TBC1D28: variants seen among roughly 807,000 people sequenced by gnomAD.
The protein encoded by TBC1D28 is TBC1 domain family member 28, also known as TBC1 domain family, member 28.
In TBC1D28, 20 loss-of-function variants were observed where a neutral mutation model predicts 29.2. The observed-to-expected ratio is 0.68, with a 90% confidence interval of 0.48 to 0.99. The LOEUF is 0.99. Ranked by LOEUF, TBC1D28 falls within the 50% of genes least tolerant of loss-of-function variation. The probability of loss-of-function intolerance (pLI) is 0.00; values close to 1 mark genes in which losing one functional copy is unlikely to be tolerated. For synonymous variants in TBC1D28, 65 were observed against 90.9 expected, an observed-to-expected ratio of 0.71 and a Z score of 1.62; for missense variants, 205 against 243.7, an observed-to-expected ratio of 0.84 and a Z score of 1.06.
At chr17:18,638,360 A>G (rs770830682) in exon 7 of TBC1D28, 1 of 1,614,218 alleles carries the variant, frequency 6.2e-7, no homozygotes, top group East Asian at 2.2e-5. Context: ...ATATCTAGCA[A>G]AAGTGACAAC....
intron 7 of TBC1D28, 83 bp downstream of exon 8, chr17:18,638,230 A>G: frequency 6.6e-7 from 1 of 1,518,582 alleles, no homozygotes; most frequent in Non-Finnish European, 9.0e-7. Flanking sequence ...CCCAGGCTCA[A>G]CGTTCCCTCC....
rs542781361 is a variant in TBC1D28, at chr17:18,638,375, G to A, written c.325C>T (p.Arg109Trp). ...ATATCTAGCAAAAGTGACAACGCCCGGCCCCGCACCGCCAGGGGAATGACT... is the reference window on the plus strand; with the variant it reads ...ATATCTAGCAAAAGTGACAACGCCCAGCCCCGCACCGCCAGGGGAATGACT... The change falls in exon 7 of 9, where the codon CGG (arginine) becomes TGG (tryptophan). Residue 109 changes from arginine to tryptophan, a missense_variant. Transcript: ENST00000345096. 25 of 1,614,218 alleles carry A rather than the reference G, an allele frequency of 1.5e-5. 1 individual carries two copies. Among genetic ancestry groups the A allele is most frequent in the South Asian group, 8.8e-5 (8 of 91,086 alleles).
chr17:18,636,300 G>T, exon 9 of TBC1D28: 1 of 1,429,494 alleles, frequency 7.0e-7, no homozygotes, highest in Non-Finnish European at 9.1e-7. Flanking sequence ...ACCCTGCCAA[G>T]CTCCTAGGCT....
chr17:18,642,033 G>A lies in TBC1D28; in HGVS notation c.-309C>T, dbSNP rs554986202. On this transcript the variant is annotated 5_prime_UTR_variant, in exon 1 of 9. Coordinates refer to ENST00000345096, the Ensembl canonical transcript of TBC1D28. ...CAAGAAAGAACAAGAGAACGCTGGG[G>A]CCTTAGTCCTAGAGAACACCTGGGG... 9 of 165,884 alleles carry A rather than the reference G, an allele frequency of 5.4e-5. No individual in the cohort carries two copies. In the East Asian group the frequency reaches 1.7e-3, roughly 31 times the overall value. 10.3% of individuals were successfully genotyped at this position (165,884 alleles called of 1,614,324 possible).
downstream of TBC1D28, among the ~76,000 whole-genome samples, chr17:18,634,816 G>GCCGCCTCAGCCT (rs2031404076): frequency 1.1e-5 from 1 of 94,724 alleles, no homozygotes; most frequent in African/African-American, 3.9e-5. Flanking sequence ...CCCCTCAGCC[G>GCCGCCTCAGCCT]CCTCAGCCCC....
In TBC1D28 at chr17:18,638,779, T is replaced by C. The variant is rs142911274; in HGVS notation, c.199-78A>G. 1.1e-3 allele frequency: 1,692 copies of C among 1,600,664 alleles called. 14 individuals carry two copies. The African/African-American group carries it at 0.02, about 19-fold the overall frequency. On this transcript the variant is annotated intron_variant, in intron 5 of 8. Transcript: ENST00000345096. Reference sequence around the variant, plus strand: ...GCCCGTGGATGCTGGGTCCAGGGCTTTGGGGCCCTGAAGGGACCCAACCTG... The same window carrying C: ...GCCCGTGGATGCTGGGTCCAGGGCTCTGGGGCCCTGAAGGGACCCAACCTG...
exon 9 of TBC1D28, chr17:18,636,479 C>A (rs1170144977): frequency 6.2e-7 from 1 of 1,613,702 alleles, no homozygotes; most frequent in South Asian, 1.1e-5. Flanking sequence ...GTTGCAACAC[C>A]CCCGAGAGAC....
At chr17:18,636,186 G>T (rs1219737943) in exon 9 of TBC1D28, 1 of 1,225,200 alleles carries the variant, frequency 8.2e-7, no homozygotes, top group African/African-American at 1.5e-5. Flanking sequence ...CAGTGAAGAA[G>T]AGGCTCCCCC....
upstream of TBC1D28, among the ~76,000 whole-genome samples, chr17:18,644,003 C>T (rs1039260956): frequency 2.0e-5 from 3 of 152,182 alleles, no homozygotes; most frequent in Admixed American, 2.0e-4. Flanking sequence ...GAATCTAGGG[C>T]CATAGAGACC....
upstream of TBC1D28, among the ~76,000 whole-genome samples, chr17:18,643,271 G>A (rs1337715106): frequency 1.3e-5 from 2 of 151,946 alleles, no homozygotes; most frequent in African/African-American, 4.8e-5. Flanking sequence ...AAAATGCTGG[G>A]TGTGAGTGGC....
intron 8 of TBC1D28, 47 bp from the exon 10 acceptor site, chr17:18,636,644 G>A (rs1212117524): frequency 6.3e-7 from 1 of 1,588,358 alleles, no homozygotes; most frequent in Non-Finnish European, 8.6e-7. Flanking sequence ...TGCAGACGCT[G>A]TCAATTTCAT....
intron 3 of TBC1D28, 62 bp from the exon 5 acceptor site, chr17:18,641,166 G>A: frequency 9.7e-7 from 1 of 1,035,350 alleles, no homozygotes; most frequent in Non-Finnish European, 1.4e-6. Flanking sequence ...GGCCCAGGGA[G>A]GTGGGCAGCC....
Position 18,638,613 on chromosome 17 carries a change from C to T in TBC1D28, c.279+8G>A. 1 of 1,614,254 alleles carries T rather than the reference C, an allele frequency of 6.2e-7. No individual in the cohort carries two copies. Among genetic ancestry groups the T allele is most frequent in the Non-Finnish European group, 8.5e-7 (1 of 1,180,054 alleles). ...GCAGTCACGGGGGCCGCTTCCTCCC[C>T]ATGTTACCTTCTTGGTGCTCCTATA... On this transcript the variant is annotated splice_region_variant and intron_variant, in intron 6 of 8. Transcript: ENST00000345096.
chr17:18,639,019 A>G, intron 5 of TBC1D28, 156 bp downstream of exon 6: 2 of 1,261,168 alleles, frequency 1.6e-6, no homozygotes, highest in Non-Finnish European at 2.2e-6. Flanking sequence ...TCAAGCCCTC[A>G]TGGGAACAGA....
At position 18,638,379 on chromosome 17, in the gene TBC1D28, C is replaced by A. The variant is rs199797652; in HGVS notation, c.321G>T (p.Arg107=). 1.1e-5 allele frequency: 17 copies of A among 1,614,242 alleles called. 1 individual carries two copies. The South Asian group carries it at 1.8e-4, about 17-fold the overall frequency. Reference sequence around the variant, plus strand: ...CTAGCAAAAGTGACAACGCCCGGCCCCGCACCGCCAGGGGAATGACTTTGC... The same window carrying A: ...CTAGCAAAAGTGACAACGCCCGGCCACGCACCGCCAGGGGAATGACTTTGC... Residue 107 remains arginine, a synonymous_variant, in exon 7 of 9, where the codon CGG becomes CGT. Coordinates refer to ENST00000345096, the Ensembl canonical transcript of TBC1D28.
chr17:18,636,369 C>A, exon 9 of TBC1D28: 5 of 1,553,334 alleles, frequency 3.2e-6, no homozygotes, highest in Admixed American at 3.9e-5. Context: ...TGATTGGGTC[C>A]ATGTGAGACC....
At chr17:18,635,873 C>T in exon 9 of TBC1D28, 8 of 992,418 alleles carry the variant, frequency 8.1e-6, no homozygotes, top group Non-Finnish European at 8.4e-6. Flanking sequence ...GTGTTTGTCC[C>T]AGGAGAGGCC....
At chr17:18,637,120 G>A (rs1421683614) in intron 8 of TBC1D28, among the ~76,000 whole-genome samples, 1 of 136,558 alleles carries the variant, frequency 7.3e-6, no homozygotes, top group East Asian at 2.2e-4. Flanking sequence ...TGGGTCTGGC[G>A]TCATTCCCTC....
At chr17:18,636,133 G>A (rs1192778160) in exon 9 of TBC1D28, 21 of 1,129,114 alleles carry the variant, frequency 1.9e-5, no homozygotes, top group African/African-American at 4.8e-5. Context: ...CTATGCTCCT[G>A]TGGGGATCAG....
Sources: gnomAD v4.1 joint callset for allele counts (sites outside exome capture counted in the v4.1 genomes callset) on GRCh38, gnomAD v4.1.1 for gene constraint, MANE v1.5 for transcripts, NCBI Gene and HGNC (gene_info 2026-07-23, HGNC 2026-07-21) for gene names.